The following LAMB3 variants were observed in gnomAD, a reference collection of about 807,000 sequenced individuals.
LAMB3 encodes laminin subunit beta-3.
Under a neutral mutation model 140.3 loss-of-function variants are expected in LAMB3, and 104 were observed. That is an observed-to-expected ratio of 0.74 (90% CI 0.63 to 0.87). The LOEUF (loss-of-function observed/expected upper bound fraction) is 0.87, where lower values mean the gene tolerates loss of function less well. LAMB3 is among the 40% of genes least tolerant of loss of function. The pLI is 0.00. For missense variants in LAMB3, 1,531 were observed against 1,575.2 expected, an observed-to-expected ratio of 0.97 and a Z score of 0.47; for synonymous variants, 592 against 602.9, an observed-to-expected ratio of 0.98 and a Z score of 0.26.
In LAMB3 at chr1:209,633,102, C is replaced by G. The variant is rs121912486; in HGVS notation, c.596G>C (p.Gly199Ala). The G allele has an allele frequency of 6.2e-7, 1 of 1,612,800 alleles. No homozygotes were observed. Residue 199 changes from glycine to alanine, a missense_variant, in exon 7 of 23, where the codon GGG (glycine) becomes GCG (alanine). Physicochemically the swap from Gly to Ala is moderately conservative, Grantham distance 60 (BLOSUM62 0). Transcript: ENST00000356082. ...VQLNLMDLVS[G>A]IPATQSQKIQ... ...TTTTTGACTTTGAGTTGCTGGAATC[C>G]CAGACACTAAATCCATAAGGTTAAG...
At chr1:209,638,175 G>T (rs771210670) in intron 4 of LAMB3, among the ~76,000 whole-genome samples, 194 bp from the exon 5 acceptor site, 2 of 152,040 alleles carry the variant, frequency 1.3e-5, no homozygotes, top group Non-Finnish European at 2.9e-5. Context: ...TCTGTTTTTG[G>T]CTAAGTTTCC....
At position 209,618,638 on chromosome 1, in the gene LAMB3, G is replaced by A. The variant is rs61753424; in HGVS notation, c.2723C>T (p.Thr908Ile). ...CACGGCCTCGCTGACCTCCTGGATAGTGGCTGCATCAGTGTCGGGGTCTGG... is the reference window on the plus strand; with the variant it reads ...CACGGCCTCGCTGACCTCCTGGATAATGGCTGCATCAGTGTCGGGGTCTGG... ...FLTDPDTDAA[T>I]IQEVSEAVLA... The change falls in exon 19 of 23, where the codon ACT becomes ATT. Residue 908 changes from threonine to isoleucine, a missense_variant. Physicochemically the swap from Thr to Ile is moderately conservative, Grantham distance 89 (BLOSUM62 -1). Coordinates refer to ENST00000356082, the MANE Select transcript of LAMB3 (RefSeq NM_000228.3). 5,199 of 1,610,978 alleles carry A rather than the reference G, an allele frequency of 3.2e-3. 139 individuals carry two copies. The African/African-American group carries it at 0.061, about 19-fold the overall frequency.
At position 209,626,983 on chromosome 1, in the gene LAMB3, G is replaced by T. The variant is rs113121669; in HGVS notation, c.1486-5C>A. 4 of 1,600,054 alleles carry T rather than the reference G, an allele frequency of 2.5e-6. No individual in the cohort carries two copies. The highest frequency in any genetic ancestry group is 2.2e-5 in the East Asian group (1 of 44,596). On this transcript the variant is annotated splice_polypyrimidine_tract_variant and splice_region_variant and intron_variant, in intron 12 of 22. Coordinates refer to ENST00000356082, the MANE Select transcript of LAMB3 (RefSeq NM_000228.3). ...ACAGGGGCACTGCCCTGTGAACTGC[G>T]TGGGGAGAGCACCGTCAGTGGACCC...
intron 14 of LAMB3, among the ~76,000 whole-genome samples, chr1:209,624,933 AG>A (rs1666369585): frequency 6.7e-6 from 1 of 148,728 alleles, no homozygotes; most frequent in Admixed American, 6.7e-5. Context: ...GAAGGAAGGA[AG>A]GAAAAAAAGG....
At chr1:209,626,817 G>A (rs373987843) in intron 13 of LAMB3, 50 bp downstream of exon 13, 90 of 1,393,586 alleles carry the variant, frequency 6.5e-5, no homozygotes, top group East Asian at 4.6e-4. Flanking sequence ...GTGCCCACCC[G>A]CGTGCTCGGC....
At chr1:209,637,883 C>T in intron 5 of LAMB3, 25 bp downstream of exon 5, 2 of 1,595,832 alleles carry the variant, frequency 1.3e-6, no homozygotes, top group Non-Finnish European at 1.7e-6. Context: ...CCTCTCCTAT[C>T]CACTGCCACC....
At position 209,649,995 on chromosome 1, in the gene LAMB3, T is replaced by G. The variant is rs2076550998; in HGVS notation, c.152A>C (p.Lys51Thr). ...ATACTGGGTGCAGTAGGTCTCAGGC[T>G]TGGTCAGTCCACAGGTAGATGAAGC... The part of the protein sequence containing the change: ...LRASSTCGLT[K>T]PETYCTQYGE... Residue 51 changes from lysine (K) to threonine (T), a missense_variant, in exon 3 of 23, where the codon AAG becomes ACG. Lys to Thr is a moderately conservative substitution (Grantham distance 78). Coordinates refer to ENST00000356082, the MANE Select transcript of LAMB3 (RefSeq NM_000228.3). The G allele has an allele frequency of 1.2e-6, 2 of 1,614,072 alleles. No individual in the cohort carries two copies. Among genetic ancestry groups the G allele is most frequent in the South Asian group, 2.2e-5 (2 of 91,086 alleles).
At chr1:209,636,860 A>G (rs1024513600) in intron 5 of LAMB3, among the ~76,000 whole-genome samples, 10 of 152,168 alleles carry the variant, frequency 6.6e-5, no homozygotes. Context: ...TCTTACCAAT[A>G]TCAGAGCACA....
intron 6 of LAMB3, among the ~76,000 whole-genome samples, chr1:209,634,062 C>T (rs1197202189): frequency 6.6e-6 from 1 of 152,108 alleles, no homozygotes; most frequent in Non-Finnish European, 1.5e-5. Flanking sequence ...TTAAACCCTA[C>T]CAAGGTGAAA....
At chr1:209,635,992 T>C (rs984722818) in intron 5 of LAMB3, among the ~76,000 whole-genome samples, 2 of 152,204 alleles carry the variant, frequency 1.3e-5, no homozygotes, top group African/African-American at 4.8e-5. Context: ...GGGTTCCCTC[T>C]CATCTTTTGT....
intron 3 of LAMB3, among the ~76,000 whole-genome samples, chr1:209,641,308 C>T (rs1158043589): frequency 6.6e-6 from 1 of 152,106 alleles, no homozygotes; most frequent in African/African-American, 2.4e-5. Flanking sequence ...TGGTGGAGTA[C>T]AACCATGTGC....
chr1:209,627,051 C>G, intron 12 of LAMB3, 73 bp from the exon 13 acceptor site: 1 of 1,113,448 alleles, frequency 9.0e-7, no homozygotes, highest in South Asian at 1.3e-5. Context: ...GGGACTGTGT[C>G]CTAGATTCCT....
In LAMB3 at chr1:209,623,806, A is replaced by G; in HGVS notation, c.2137+34T>C. ...TGGCATGCCCACCACGGCAGTGCCC[A>G]TGCCCGGGGTTATCCGGGTGCCCCT... On this transcript the variant is annotated intron_variant, in intron 15 of 22. Coordinates refer to ENST00000356082, the MANE Select transcript of LAMB3 (RefSeq NM_000228.3). The surrounding 1 kb of genome is among the most constrained non-coding windows in gnomAD (Gnocchi z 4.2). 1 of 1,614,120 alleles carries G rather than the reference A, an allele frequency of 6.2e-7. No individual in the cohort carries two copies. The highest frequency in any genetic ancestry group is 1.7e-5 in the Admixed American group (1 of 60,034).
chr1:209,619,388 G>T (rs1219100100), intron 18 of LAMB3, among the ~76,000 whole-genome samples: 1 of 152,214 alleles, frequency 6.6e-6, no homozygotes, highest in Admixed American at 6.5e-5. Context: ...CCCCAGCACA[G>T]TGCCTGGCAC....
At chr1:209,633,763 G>T (rs756089306) in intron 6 of LAMB3, among the ~76,000 whole-genome samples, 1 of 152,154 alleles carries the variant, frequency 6.6e-6, no homozygotes, top group Non-Finnish European at 1.5e-5. Context: ...TCTGAGCATC[G>T]GTCCACATGA....
Position 209,623,122 on chromosome 1 carries a change from A to T in LAMB3, c.2416T>A (p.Cys806Ser), listed in dbSNP as rs774750062. The T allele has an allele frequency of 6.2e-7, 1 of 1,614,228 alleles. No individual in the cohort carries two copies. Among genetic ancestry groups the T allele is most frequent in the Non-Finnish European group, 8.5e-7 (1 of 1,180,032 alleles). ...CTPISCPGEL[C>S]PQDNGTACGS... The stretch of plus-strand genomic sequence containing the variant: ...CAGGCTGTGCCATTGTCTTGGGGAC[A>T]TAGCTCACCAGGGCATGATATTGGG... Residue 806 changes from cysteine to serine, a missense_variant, in exon 17 of 23, where the codon TGT becomes AGT. Coordinates refer to ENST00000356082, the MANE Select transcript of LAMB3 (RefSeq NM_000228.3). The surrounding 1 kb of genome is among the most constrained non-coding windows in gnomAD (Gnocchi z 4.2).
intron 3 of LAMB3, among the ~76,000 whole-genome samples, chr1:209,641,988 T>G (rs2076472951): frequency 6.6e-6 from 1 of 152,182 alleles, no homozygotes; most frequent in South Asian, 2.1e-4. Flanking sequence ...TCCCCAGCTC[T>G]GCTGGGAGCT....
At chr1:209,633,024 C>T in intron 7 of LAMB3, 46 bp downstream of exon 7, 1 of 1,431,778 alleles carries the variant, frequency 7.0e-7, no homozygotes, top group Non-Finnish European at 9.9e-7. Flanking sequence ...ACTCTGTTTC[C>T]TTTCCCACCC....
chr1:209,637,311 T>G (rs116127044), intron 5 of LAMB3, among the ~76,000 whole-genome samples: 1,767 of 152,304 alleles, frequency 0.012, 31 homozygotes, highest in African/African-American at 0.04. Flanking sequence ...ATTTGATCAT[T>G]GAATATCTGA....
Sources: allele counts gnomAD v4.1 joint callset (sites outside exome capture counted in the v4.1 genomes callset), GRCh38; gene constraint gnomAD v4.1.1; non-coding constraint Gnocchi (gnomAD v3.1); transcripts MANE v1.5; gene names NCBI Gene and HGNC (gene_info 2026-07-23, HGNC 2026-07-21).